TULP3: variants seen among roughly 807,000 people sequenced by gnomAD.
TULP3 encodes tubby-related protein 3.
A neutral mutation model predicts 50.7 loss-of-function variants in TULP3; 38 were observed. The observed-to-expected ratio is 0.75, with a 90% CI of 0.58 to 0.98. The LOEUF (loss-of-function observed/expected upper bound fraction) is 0.98, where lower values mean the gene tolerates loss of function less well. TULP3 is among the 50% of genes least tolerant of loss of function. The pLI is 0.00. For synonymous variants in TULP3, 183 were observed against 196.6 expected (o/e 0.93, Z 0.58); for missense variants, 550 against 568.0 (o/e 0.97, Z 0.32).
In TULP3 at chr12:2,909,535, C is replaced by G. The variant is rs1160808693; in HGVS notation, c.48C>G (p.Phe16Leu). 1.3e-5 allele frequency: 21 copies of G among 1,572,064 alleles called. No homozygotes were observed. Among genetic ancestry groups the G allele is most frequent in the Non-Finnish European group, 1.8e-5 (21 of 1,168,088 alleles). ...CRLSPSGDSVFHEEMMKMRQA... is the reference protein window; with the variant it reads ...CRLSPSGDSVLHEEMMKMRQA... ...TTTTTTTTTTTTTTAACAGTGTCTT[C>G]CATGAAGAAATGATGAAGATGCGAC... Residue 16 changes from phenylalanine to leucine, a missense_variant, in exon 2 of 11, where the codon TTC becomes TTG. Phe to Leu is a conservative substitution (Grantham distance 22). Coordinates refer to ENST00000448120, the MANE Select transcript of TULP3 (RefSeq NM_003324.5).
chr12:2,909,854 T>C (rs1032026328), intron 2 of TULP3, among the ~76,000 whole-genome samples: 4 of 152,236 alleles, frequency 2.6e-5, no homozygotes, highest in Non-Finnish European at 5.9e-5. Flanking sequence ...TCTGAGGAAT[T>C]AGAAGAGTGT....
chr12:2,916,320 G>A (rs2098188671), intron 2 of TULP3, among the ~76,000 whole-genome samples: 1 of 152,086 alleles, frequency 6.6e-6, no homozygotes, highest in African/African-American at 2.4e-5. Context: ...TTATTTTATT[G>A]GATAAAGTTA....
Position 2,902,575 on chromosome 12 carries a change from C to T in TULP3, c.42-6954C>T, listed in dbSNP as rs117392620. Among the ~76,000 whole-genome samples, 880 of 152,120 alleles carry T rather than the reference C, an allele frequency of 5.8e-3. 1 individual carries two copies. The highest frequency in any genetic ancestry group is 8.8e-3 in the Non-Finnish European group (599 of 68,026). Reference sequence around the variant, plus strand: ...AATAGATTTTGTGTTACTGGCAGCTCGAAAAATTTACACTTAACAGGCTGA... The same window carrying T: ...AATAGATTTTGTGTTACTGGCAGCTTGAAAAATTTACACTTAACAGGCTGA... On this transcript the variant is annotated intron_variant, in intron 1 of 10. Coordinates refer to ENST00000448120, the MANE Select transcript of TULP3 (RefSeq NM_003324.5).
At chr12:2,921,280 C>T (rs531754785) in intron 3 of TULP3, among the ~76,000 whole-genome samples, 158 of 152,258 alleles carry the variant, frequency 1.0e-3, no homozygotes, top group Middle Eastern at 3.4e-3. Flanking sequence ...GCTGGGTTTA[C>T]AGGCGCCTGC....
chr12:2,892,742 C>T (rs181381599), intron 1 of TULP3, among the ~76,000 whole-genome samples: 33 of 152,216 alleles, frequency 2.2e-4, no homozygotes, highest in Admixed American at 1.0e-3. Context: ...GATTTCTTGA[C>T]CTGGTGATCT....
chr12:2,908,385 A>G (rs1404057634), intron 1 of TULP3, among the ~76,000 whole-genome samples: 1 of 152,082 alleles, frequency 6.6e-6, no homozygotes, highest in Non-Finnish European at 1.5e-5. Context: ...AAAGTCTTAA[A>G]TTAGGAAATT....
intron 1 of TULP3, among the ~76,000 whole-genome samples, chr12:2,906,517 C>T (rs1471219136): frequency 2.7e-5 from 4 of 150,172 alleles, no homozygotes; most frequent in Admixed American, 6.7e-5. Flanking sequence ...TTAGTAGAGA[C>T]GGAGTTTCAC....
intron 2 of TULP3, among the ~76,000 whole-genome samples, chr12:2,913,323 C>T (rs1288174954): frequency 6.6e-6 from 1 of 151,798 alleles, no homozygotes; most frequent in Non-Finnish European, 1.5e-5. Flanking sequence ...TCATAGCTCA[C>T]TGAAGTCTTG....
At chr12:2,924,485 C>A (rs1402562581) in intron 4 of TULP3, among the ~76,000 whole-genome samples, 1 of 151,176 alleles carries the variant, frequency 6.6e-6, no homozygotes, top group Admixed American at 6.6e-5. Context: ...CAGGACCAGC[C>A]AGGGCAACAT....
chr12:2,918,357 C>T (rs1472713380), intron 2 of TULP3, among the ~76,000 whole-genome samples: 2 of 151,826 alleles, frequency 1.3e-5, no homozygotes, highest in Non-Finnish European at 2.9e-5. Context: ...GGTAATCCGC[C>T]CACCTCGACC....
chr12:2,929,186 G>A (rs1430183760), intron 4 of TULP3, among the ~76,000 whole-genome samples: 6 of 152,004 alleles, frequency 3.9e-5, no homozygotes, highest in East Asian at 3.9e-4. Context: ...GCATGGTGGC[G>A]CGCGCCTGTA....
chr12:2,898,868 C>CAG (rs3056917), intron 1 of TULP3, among the ~76,000 whole-genome samples: 73,990 of 151,122 alleles, frequency 0.49, 18,805 homozygotes, highest in African/African-American at 0.64. Context: ...TTTGTAGAGA[C>CAG]GGGTCTCACT....
chr12:2,915,498 A>G (rs868472350), intron 2 of TULP3, among the ~76,000 whole-genome samples: 1 of 151,144 alleles, frequency 6.6e-6, no homozygotes, highest in Admixed American at 6.6e-5. Flanking sequence ...TTACCTTCCT[A>G]TGATCTTGCT....
chr12:2,927,365 G>GTTTTTTTTTTTTT (rs1565505796), intron 4 of TULP3, among the ~76,000 whole-genome samples: 1 of 70,828 alleles, frequency 1.4e-5, no homozygotes, highest in African/African-American at 6.6e-5. Context: ...AGTTGAGACT[G>GTTTTTTTTTTTTT]ATTTTTTTTT....
chr12:2,929,303 C>A (rs540889727), intron 4 of TULP3, among the ~76,000 whole-genome samples: 1 of 151,410 alleles, frequency 6.6e-6, no homozygotes, highest in Non-Finnish European at 1.5e-5. Flanking sequence ...GGCGACAGAG[C>A]GAGACTCCGT....
chr12:2,918,469 G>A (rs1233563236), intron 2 of TULP3, among the ~76,000 whole-genome samples: 1 of 152,060 alleles, frequency 6.6e-6, no homozygotes, highest in African/African-American at 2.4e-5. Flanking sequence ...AGATGAAATA[G>A]CTGTGGCCAC....
chr12:2,915,082 G>A (rs374705893), intron 2 of TULP3, among the ~76,000 whole-genome samples: 1 of 151,964 alleles, frequency 6.6e-6, no homozygotes. Flanking sequence ...TCTGCCTCTC[G>A]GGTTCAAGCG....
At chr12:2,904,233 G>A (rs180915990) in intron 1 of TULP3, among the ~76,000 whole-genome samples, 91 of 152,166 alleles carry the variant, frequency 6.0e-4, no homozygotes, top group Middle Eastern at 6.8e-3. Context: ...TTTGGTGTCC[G>A]TAAATAAAGG....
At position 2,938,389 on chromosome 12, in the gene TULP3, A is replaced by C. The variant is rs114621268; in HGVS notation, c.1195+104A>C. 3 of 1,277,538 alleles carry C rather than the reference A, an allele frequency of 2.3e-6. No individual in the cohort carries two copies. The African/African-American group carries it at 4.5e-5, about 19-fold the overall frequency. The allele number at this position is 1,277,538 out of a possible 1,614,324, so 79.1% of individuals were successfully genotyped here. A position where few individuals can be genotyped will look rare whatever the true frequency, so the allele number is the denominator to read the frequency against. On this transcript the variant is annotated intron_variant, in intron 10 of 10. Transcript: ENST00000448120. ...GATAGGAAGTGACAGTCAGCAGATAATCATGGAGGAGAGACAGGATTTCTT... is the reference window on the plus strand; with the variant it reads ...GATAGGAAGTGACAGTCAGCAGATACTCATGGAGGAGAGACAGGATTTCTT...
Sources: allele counts gnomAD v4.1 joint callset (sites outside exome capture counted in the v4.1 genomes callset), GRCh38; gene constraint gnomAD v4.1.1; transcripts MANE v1.5; gene names NCBI Gene and HGNC (gene_info 2026-07-23, HGNC 2026-07-21).